SPATA16: variants seen among roughly 807,000 people sequenced by gnomAD.
SPATA16 encodes spermatogenesis associated 16.
Under a neutral mutation model 63.3 loss-of-function variants are expected in SPATA16, and 36 were observed. That is an observed-to-expected ratio of 0.57 (90% CI 0.44 to 0.75). The LOEUF (loss-of-function observed/expected upper bound fraction) is 0.75, where lower values mean the gene tolerates loss of function less well. Ranked by LOEUF, SPATA16 falls within the 30% of genes least tolerant of loss-of-function variation. SPATA16 has a pLI of 0.00. For synonymous variants in SPATA16, 203 were observed against 216.7 expected (o/e 0.94, Z 0.56); for missense variants, 646 against 679.3 (o/e 0.95, Z 0.54).
chr3:173,040,134 C>A (rs1482234655), intron 3 of SPATA16, among the ~76,000 whole-genome samples: 1 of 152,074 alleles, frequency 6.6e-6, no homozygotes, highest in East Asian at 1.9e-4. Context: ...TCCTTTACTT[C>A]TTTAGTAAAG....
intron 8 of SPATA16, among the ~76,000 whole-genome samples, chr3:172,918,232 C>T (rs1419200784): frequency 6.6e-6 from 1 of 152,140 alleles, no homozygotes; most frequent in African/African-American, 2.4e-5. Context: ...TTTCTTTGTC[C>T]TTCTTTAAAA....
At chr3:173,051,990 C>T (rs1289491155) in intron 2 of SPATA16, among the ~76,000 whole-genome samples, 1 of 151,904 alleles carries the variant, frequency 6.6e-6, no homozygotes, top group Non-Finnish European at 1.5e-5. Flanking sequence ...TTTGTATTTT[C>T]AGCAGAGACA....
At chr3:172,996,467 ATTTACT>A (rs948253595) in intron 4 of SPATA16, among the ~76,000 whole-genome samples, 3 of 152,184 alleles carry the variant, frequency 2.0e-5, no homozygotes, top group African/African-American at 7.2e-5. Context: ...TTATTTAAAA[ATTTACT>A]TTAAATTAAT....
chr3:172,985,237 A>G (rs1232366472), intron 4 of SPATA16, among the ~76,000 whole-genome samples: 1 of 152,198 alleles, frequency 6.6e-6, no homozygotes, highest in Non-Finnish European at 1.5e-5. Flanking sequence ...GGCTGTGTCA[A>G]GAGAGGTGTT....
intron 2 of SPATA16, among the ~76,000 whole-genome samples, chr3:173,061,487 G>A (rs914568540): frequency 7.2e-5 from 11 of 152,286 alleles, no homozygotes; most frequent in African/African-American, 2.4e-4. Flanking sequence ...TTGGGTTAAT[G>A]TATATGGAGG....
intron 4 of SPATA16, among the ~76,000 whole-genome samples, chr3:173,013,626 T>C (rs1735119760): frequency 6.6e-6 from 1 of 152,236 alleles, no homozygotes; most frequent in Admixed American, 6.5e-5. Flanking sequence ...TAACTCAGGA[T>C]TGCACATGAC....
Position 173,019,491 on chromosome 3 carries a change from A to C in SPATA16, c.843T>G (p.Ala281=). 4 of 1,613,538 alleles carry C rather than the reference A, an allele frequency of 2.5e-6. No homozygotes were observed. The highest frequency in any genetic ancestry group is 3.4e-6 in the Non-Finnish European group (4 of 1,179,446). ...VFRCLERYSE[A]ARSAMIADYM... ...AAAAGTTAAAACAAACATACCGGGC[A>C]GCCTCTGAATACCTCTCCAGACATC... is the stretch of plus-strand genomic sequence containing the variant. Residue 281 remains alanine (A), a synonymous_variant, in exon 4 of 11, where the codon GCT becomes GCG. Coordinates refer to ENST00000351008, the MANE Select transcript of SPATA16 (RefSeq NM_031955.6).
chr3:172,977,084 A>C lies in SPATA16; in HGVS notation c.849-32T>G, dbSNP rs368171509. Reference sequence around the variant, plus strand: ...ACAAGGACAGATTAAAAAAAAAACAAAAACAAATGTATAGGACAGAAGGAA... The same window carrying C: ...ACAAGGACAGATTAAAAAAAAAACACAAACAAATGTATAGGACAGAAGGAA... On this transcript the variant is annotated intron_variant, in intron 4 of 10. Coordinates refer to ENST00000351008, the MANE Select transcript of SPATA16 (RefSeq NM_031955.6). 52 of 1,565,490 alleles carry C rather than the reference A, an allele frequency of 3.3e-5. No homozygotes were observed. In the African/African-American group the frequency reaches 6.5e-4, roughly 20 times the overall value.
Position 173,117,468 on chromosome 3 carries a change from A to G in SPATA16, c.264T>C (p.Gly88=). The change falls in exon 2 of 11, where the codon GGT becomes GGC. Residue 88 remains glycine, a synonymous_variant. Coordinates refer to ENST00000351008, the MANE Select transcript of SPATA16 (RefSeq NM_031955.6). The stretch of plus-strand genomic sequence containing the variant: ...GTTTCTTTCTAGTTGGCTTTTCTTC[A>G]CCTTCTGCCTTCCGTTTAAAGGCTG... ...EKAAFKRKAE[G]EEKPTRKKQA... 1 of 1,614,028 alleles carries G rather than the reference A, an allele frequency of 6.2e-7. No homozygotes were observed. Among genetic ancestry groups the G allele is most frequent in the Non-Finnish European group, 8.5e-7 (1 of 1,179,972 alleles).
chr3:172,907,992 C>G (rs916898673), intron 10 of SPATA16, among the ~76,000 whole-genome samples: 5 of 152,204 alleles, frequency 3.3e-5, no homozygotes, highest in Non-Finnish European at 5.9e-5. Flanking sequence ...CTTTCTCCCC[C>G]ATGGGGCATT....
intron 3 of SPATA16, among the ~76,000 whole-genome samples, chr3:173,042,650 T>C (rs1735870577): frequency 6.6e-6 from 1 of 152,222 alleles, no homozygotes; most frequent in Admixed American, 6.6e-5. Context: ...AGGGATGCTT[T>C]TGAGCATTTT....
intron 2 of SPATA16, among the ~76,000 whole-genome samples, chr3:173,079,679 T>C (rs552043725): frequency 6.6e-6 from 1 of 152,306 alleles, no homozygotes; most frequent in South Asian, 2.1e-4. Flanking sequence ...TAGCACATAT[T>C]GAAGTTTTAA....
intron 6 of SPATA16, among the ~76,000 whole-genome samples, chr3:172,939,316 C>T (rs1391014992): frequency 6.6e-6 from 1 of 152,058 alleles, no homozygotes; most frequent in African/African-American, 2.4e-5. Flanking sequence ...CATAATGTAC[C>T]AAGCAAGTGA....
chr3:172,975,925 GA>G lies in SPATA16; in HGVS notation c.933+1042del, dbSNP rs1052381668. Among the ~76,000 whole-genome samples the G allele has an allele frequency of 4.7e-4, 71 of 151,198 alleles. 1 individual carries two copies. The highest frequency in any genetic ancestry group is 1.9e-3 in the South Asian group (9 of 4,782). ...AGACATGGTAGTGAAAATGTGGGGG[GA>G]AAAAAAACAGGAAAAAAACAGGAAG... On this transcript the variant is annotated intron_variant, in intron 5 of 10. Transcript: ENST00000351008.
intron 4 of SPATA16, 98 bp downstream of exon 4, chr3:173,019,388 T>G: frequency 3.2e-5 from 33 of 1,016,876 alleles, no homozygotes; most frequent in Non-Finnish European, 4.7e-5. Context: ...TCATATTCCA[T>G]GAGAGAAATG....
chr3:172,925,006 G>T (rs1231559391), intron 7 of SPATA16, among the ~76,000 whole-genome samples: 1 of 152,142 alleles, frequency 6.6e-6, no homozygotes, highest in Non-Finnish European at 1.5e-5. Flanking sequence ...ATTGTCATTG[G>T]CTATATTTTT....
In SPATA16 at chr3:173,037,472, T is replaced by G. The variant is rs574559181; in HGVS notation, c.758+11477A>C. Among the ~76,000 whole-genome samples, 143 of 152,190 alleles carry G rather than the reference T, an allele frequency of 9.4e-4. 1 individual carries two copies. In the South Asian group the frequency reaches 0.029, roughly 31 times the overall value. ...TTTCTCATTGTTAAGCACTCAAAAA[T>G]CAAACACTGCTTTGAATTCAACTGT... On this transcript the variant is annotated intron_variant, in intron 3 of 10. Transcript: ENST00000351008.
At chr3:172,994,020 T>A (rs1263318731) in intron 4 of SPATA16, among the ~76,000 whole-genome samples, 1 of 152,196 alleles carries the variant, frequency 6.6e-6, no homozygotes, top group Non-Finnish European at 1.5e-5. Context: ...CATAAACTTT[T>A]CATTACAGAG....
intron 10 of SPATA16, among the ~76,000 whole-genome samples, chr3:172,896,217 A>G (rs1242651149): frequency 6.6e-6 from 1 of 151,910 alleles, no homozygotes; most frequent in African/African-American, 2.4e-5. Context: ...ATTTAGTTTT[A>G]TTTATTATTT....
Sources: allele counts gnomAD v4.1 joint callset (sites outside exome capture counted in the v4.1 genomes callset), GRCh38; gene constraint gnomAD v4.1.1; transcripts MANE v1.5; gene names NCBI Gene and HGNC (gene_info 2026-07-23, HGNC 2026-07-21).